Variants in CLEC2L observed in about 807,000 individuals in gnomAD.
CLEC2L encodes the protein C-type lectin domain family 2, member L.
Under a neutral mutation model 23.6 loss-of-function variants are expected in CLEC2L, and 14 were observed. That is an observed-to-expected ratio of 0.59 (90% CI 0.39 to 0.93). The LOEUF is 0.93. Ranked by LOEUF, CLEC2L falls within the 40% of genes least tolerant of loss-of-function variation. CLEC2L has a pLI of 0.00. For missense variants in CLEC2L, 264 were observed against 282.4 expected (o/e 0.93, Z 0.47); for synonymous variants, 114 against 121.3 (o/e 0.94, Z 0.40).
chr7:139,540,363 A>G lies in CLEC2L; in HGVS notation c.308A>G (p.Asp103Gly), dbSNP rs754580324. Residue 103 changes from aspartate (D) to glycine (G), a missense_variant, in exon 3 of 5, where the codon GAC becomes GGC. Physicochemically the swap from Asp to Gly is moderately conservative, Grantham distance 94 (BLOSUM62 -1). Coordinates refer to ENST00000422142, the MANE Select transcript of CLEC2L (RefSeq NM_001080511.4). The surrounding 1 kb of genome is among the most constrained non-coding windows in gnomAD (Gnocchi z 5.8). Reference sequence around the variant, plus strand: ...AAGTGCGAAGCGCCCTGCCCGGAGGACTGGCTGCTCTACGGAAGGAAGTGC... The same window carrying G: ...AAGTGCGAAGCGCCCTGCCCGGAGGGCTGGCTGCTCTACGGAAGGAAGTGC... The part of the protein sequence containing the change: ...CIKCEAPCPE[D>G]WLLYGRKCYF... 2 of 1,611,924 alleles carry G rather than the reference A, an allele frequency of 1.2e-6. No individual in the cohort carries two copies. Among genetic ancestry groups the G allele is most frequent in the East Asian group, 4.5e-5 (2 of 44,834 alleles).
chr7:139,525,389 G>A (rs557627450), intron 1 of CLEC2L, among the ~76,000 whole-genome samples: 4 of 152,250 alleles, frequency 2.6e-5, no homozygotes, highest in South Asian at 2.1e-4. Flanking sequence ...GCCAGGGGAC[G>A]TGCACTGTCC....
intron 4 of CLEC2L, among the ~76,000 whole-genome samples, chr7:139,542,503 C>T (rs760534196): frequency 4.9e-4 from 74 of 152,298 alleles, no homozygotes; most frequent in African/African-American, 1.6e-3. Context: ...ATGGCCTCAC[C>T]CCATTGGCCA....
Position 139,544,583 on chromosome 7 carries a change from A to G in CLEC2L, c.*241A>G. On this transcript the variant is annotated 3_prime_UTR_variant, in exon 5 of 5. Transcript: ENST00000422142. Reference sequence around the variant, plus strand: ...ATCCCATATGCTAGGTAGTGTAGGCATCTGCCCACCTACACACACACACAT... The same window carrying G: ...ATCCCATATGCTAGGTAGTGTAGGCGTCTGCCCACCTACACACACACACAT... 1 of 551,602 alleles carries G rather than the reference A, an allele frequency of 1.8e-6. No homozygotes were observed. The highest frequency in any genetic ancestry group is 3.0e-5 in the East Asian group (1 of 32,998). The allele number at this position is 551,602 out of a possible 1,614,324, so 34.2% of individuals were successfully genotyped here.
intron 2 of CLEC2L, among the ~76,000 whole-genome samples, chr7:139,537,571 A>C (rs1255610255): frequency 6.6e-6 from 1 of 151,052 alleles, no homozygotes; most frequent in East Asian, 2.0e-4. Flanking sequence ...ATGATGAGTC[A>C]CTCTTCCCTC....
Position 139,536,306 on chromosome 7 carries a change from G to A in CLEC2L, c.223G>A (p.Ala75Thr), listed in dbSNP as rs1176936824. The change falls in exon 2 of 5, where the codon GCG becomes ACG. Residue 75 changes from alanine (A) to threonine (T), a missense_variant. By Grantham distance (58) the Ala-to-Thr change is moderately conservative. Transcript: ENST00000422142. ...CACACGCCTCCTGCTGGGTGCCATC[G>A]CGGTCCTTCTGTTCGCCATCTTGGT... ...TTTRLLLGAIAVLLFAILVVM... is the reference protein window; with the variant it reads ...TTTRLLLGAITVLLFAILVVM... The A allele has an allele frequency of 7.7e-6, 12 of 1,551,338 alleles. No homozygotes were observed. Among genetic ancestry groups the A allele is most frequent in the South Asian group, 1.2e-5 (1 of 84,040 alleles).
intron 1 of CLEC2L, 98 bp downstream of exon 1, chr7:139,524,215 G>A (rs1207026961): frequency 1.1e-5 from 11 of 1,045,266 alleles, no homozygotes; most frequent in African/African-American, 3.4e-5. Context: ...CCGCTGTCCC[G>A]GAGGGGAGCG....
At chr7:139,538,457 AC>A (rs1392257203) in intron 2 of CLEC2L, among the ~76,000 whole-genome samples, 21 of 140,244 alleles carry the variant, frequency 1.5e-4, no homozygotes, top group African/African-American at 5.8e-4. Flanking sequence ...AAAACAAAAA[AC>A]AAAAAAAGGT....
chr7:139,537,414 A>G (rs1210317609), intron 2 of CLEC2L, among the ~76,000 whole-genome samples: 6 of 152,270 alleles, frequency 3.9e-5, no homozygotes, highest in African/African-American at 4.8e-5. Context: ...TACCTTTTTA[A>G]CAAATGAAAG....
At chr7:139,528,794 T>C (rs1797540240) in intron 1 of CLEC2L, among the ~76,000 whole-genome samples, 1 of 152,132 alleles carries the variant, frequency 6.6e-6, no homozygotes, top group African/African-American at 2.4e-5. Context: ...CAGCAACCAC[T>C]GGACACTAGG....
chr7:139,537,694 G>A (rs1360242944), intron 2 of CLEC2L, among the ~76,000 whole-genome samples: 2 of 152,096 alleles, frequency 1.3e-5, no homozygotes, highest in Non-Finnish European at 2.9e-5. Flanking sequence ...GAGATGAGAG[G>A]GCAGAGAACC....
In CLEC2L at chr7:139,523,879, C is replaced by T. The variant is rs1487155832; in HGVS notation, c.-49C>T. ...GCGCCGAGTGCGCGTCGGGCTGGGC[C>T]CCGCACCCCGGTGCAGGAGCGCGGG... On this transcript the variant is annotated 5_prime_UTR_variant, in exon 1 of 5. Coordinates refer to ENST00000422142, the MANE Select transcript of CLEC2L (RefSeq NM_001080511.4). This position sits in a 1 kb window ranked among gnomAD's most constrained non-coding sequence, Gnocchi z 4.1. 1 of 976,914 alleles carries T rather than the reference C, an allele frequency of 1.0e-6. No homozygotes were observed. Among genetic ancestry groups the T allele is most frequent in the Non-Finnish European group, 1.2e-6 (1 of 825,266 alleles). 60.5% of individuals were successfully genotyped at this position (976,914 alleles called of 1,614,324 possible). A position where few individuals can be genotyped will look rare whatever the true frequency, so the allele number is the denominator to read the frequency against.
At chr7:139,529,515 C>G (rs1039005633) in intron 1 of CLEC2L, among the ~76,000 whole-genome samples, 1 of 152,134 alleles carries the variant, frequency 6.6e-6, no homozygotes, top group African/African-American at 2.4e-5. Flanking sequence ...CCATAGGCAG[C>G]CATCGTGTAG....
intron 2 of CLEC2L, among the ~76,000 whole-genome samples, chr7:139,537,425 AGGGTTT>A (rs1797675125): frequency 6.6e-6 from 1 of 152,208 alleles, no homozygotes; most frequent in Non-Finnish European, 1.5e-5. Flanking sequence ...CAAATGAAAG[AGGGTTT>A]GGGTTTCAAG....
chr7:139,543,426 A>G (rs919280001), intron 4 of CLEC2L, among the ~76,000 whole-genome samples: 1 of 152,068 alleles, frequency 6.6e-6, no homozygotes, highest in African/African-American at 2.4e-5. Flanking sequence ...CGTTGGCCAC[A>G]TTTCTCAGAC....
At position 139,540,153 on chromosome 7, in the gene CLEC2L, T is replaced by G. The variant is rs998440514; in HGVS notation, c.266-168T>G. 1.9e-5 allele frequency: 12 copies of G among 633,732 alleles called. No individual in the cohort carries two copies. In the African/African-American group the frequency reaches 2.0e-4, roughly 11 times the overall value. The allele number at this position is 633,732 out of a possible 1,614,324, so 39.3% of individuals were successfully genotyped here. ...GCCAGGCTTCCCACAGTCCCCTTTC[T>G]CATTCATTTAGTGGCCACCCTTTTA... On this transcript the variant is annotated intron_variant, in intron 2 of 4. Coordinates refer to ENST00000422142, the MANE Select transcript of CLEC2L (RefSeq NM_001080511.4). This position sits in a 1 kb window ranked among gnomAD's most constrained non-coding sequence, Gnocchi z 5.8.
rs1797619497 is a variant in CLEC2L at position 139,534,178 on chromosome 7, T to A, written c.191-2096T>A. 5.5e-6 allele frequency: 4 copies of A among 729,002 alleles called. No homozygotes were observed. The Admixed American group carries it at 5.8e-5, about 11-fold the overall frequency. 45.2% of individuals were successfully genotyped at this position (729,002 alleles called of 1,614,324 possible). A position where few individuals can be genotyped will look rare whatever the true frequency, so the allele number is the denominator to read the frequency against. On this transcript the variant is annotated intron_variant, in intron 1 of 4. Transcript: ENST00000422142. ...AACCAATGATGGAGTTAGTCTTTCC[T>A]CAGAAAGAACTACCGGTAGCAGCGG...
intron 2 of CLEC2L, among the ~76,000 whole-genome samples, chr7:139,536,976 C>CAAAAAAA (rs1159255018): frequency 1.3e-4 from 5 of 37,290 alleles, no homozygotes; most frequent in African/African-American, 1.6e-4. Context: ...GACTCCATCT[C>CAAAAAAA]AAAAAAAAAA....
chr7:139,532,347 T>C (rs567270259), intron 1 of CLEC2L, among the ~76,000 whole-genome samples: 83 of 152,240 alleles, frequency 5.5e-4, no homozygotes, highest in African/African-American at 2.0e-3. Context: ...CATTGGATGA[T>C]GTGCTTCACC....
intron 4 of CLEC2L, among the ~76,000 whole-genome samples, chr7:139,543,482 A>G (rs1337972092): frequency 1.3e-5 from 2 of 152,174 alleles, no homozygotes; most frequent in Non-Finnish European, 1.5e-5. Context: ...GGTCCTTCCA[A>G]TGCCCTCTGT....
Sources: allele counts gnomAD v4.1 joint callset (sites outside exome capture counted in the v4.1 genomes callset), GRCh38; gene constraint gnomAD v4.1.1; non-coding constraint Gnocchi (gnomAD v3.1); transcripts MANE v1.5; gene names NCBI Gene and HGNC (gene_info 2026-07-23, HGNC 2026-07-21).